Variants in PCNX1 observed in about 807,000 individuals in gnomAD.
PCNX1 encodes pecanex 1, also known as pecanex-like protein 1.
In PCNX1, 78 loss-of-function variants were observed where a neutral mutation model predicts 242.2. The observed-to-expected ratio is 0.32, with a 90% CI of 0.27 to 0.39. PCNX1 has a LOEUF of 0.39. Ranked by LOEUF, PCNX1 falls within the 10% of genes least tolerant of loss-of-function variation. PCNX1 has a pLI of 1.00. For synonymous variants in PCNX1, 1,024 were observed against 1,032.9 expected (o/e 0.99, Z 0.17); for missense variants, 2,581 against 2,856.5 (o/e 0.90, Z 2.20).
intron 28 of PCNX1, chr14:71,085,841 A>G (rs76353752): frequency 7.5e-4 from 260 of 346,442 alleles, no homozygotes; most frequent in African/African-American, 5.1e-3. Context: ...TTCCTTATCA[A>G]TAAGGATCAG....
intron 1 of PCNX1, among the ~76,000 whole-genome samples, chr14:70,925,568 C>CTTTTTTTTTTTTTTT (rs71305848): frequency 9.3e-6 from 1 of 106,952 alleles, no homozygotes. Flanking sequence ...CTTACCTCAT[C>CTTTTTTTTTTTTTTT]TTTTTTTTTT....
intron 1 of PCNX1, among the ~76,000 whole-genome samples, chr14:70,927,075 C>T (rs1299749057): frequency 6.6e-6 from 1 of 152,178 alleles, no homozygotes; most frequent in Non-Finnish European, 1.5e-5. Flanking sequence ...ACAGTACTTT[C>T]TTCAAAGGAT....
intron 8 of PCNX1, among the ~76,000 whole-genome samples, chr14:70,998,622 G>A (rs979561156): frequency 2.0e-5 from 3 of 151,508 alleles, no homozygotes; most frequent in East Asian, 1.9e-4. Flanking sequence ...ATGGTGGCAC[G>A]TGCCTGTAAT....
chr14:70,996,042 T>G (rs56021283), intron 8 of PCNX1, 117 bp downstream of exon 8: 264,212 of 734,300 alleles, frequency 0.36, 50,487 homozygotes, highest in East Asian at 0.62. Flanking sequence ...TAGGAGCACT[T>G]TTTACATAGG....
At chr14:71,010,610 G>C (rs2059796744) in intron 9 of PCNX1, among the ~76,000 whole-genome samples, 1 of 151,998 alleles carries the variant, frequency 6.6e-6, no homozygotes, top group Non-Finnish European at 1.5e-5. Flanking sequence ...TTTAGAAGGT[G>C]TTAACATTTT....
At chr14:70,958,651 G>T (rs1043394416) in intron 2 of PCNX1, among the ~76,000 whole-genome samples, 5 of 152,080 alleles carry the variant, frequency 3.3e-5, no homozygotes, top group Non-Finnish European at 2.9e-5. Context: ...CAGGCCTTAA[G>T]TCTCAACATT....
chr14:71,075,445 A>G (rs1416154712), intron 27 of PCNX1, among the ~76,000 whole-genome samples: 2 of 152,116 alleles, frequency 1.3e-5, no homozygotes, highest in East Asian at 1.9e-4. Flanking sequence ...TGCGTGTGGC[A>G]TTTTCTATCT....
At chr14:70,908,895 C>G (rs78724829) in intron 1 of PCNX1, among the ~76,000 whole-genome samples, 10,555 of 152,292 alleles carry the variant, frequency 0.069, 486 homozygotes, top group East Asian at 0.27. Flanking sequence ...AGCGCAGTTT[C>G]TAAAGCACAG....
At chr14:71,066,309 T>C (rs2061445613) in intron 26 of PCNX1, among the ~76,000 whole-genome samples, 1 of 152,234 alleles carries the variant, frequency 6.6e-6, no homozygotes. Context: ...TTTGTAGTTC[T>C]CCTTGAAGAG....
intron 8 of PCNX1, among the ~76,000 whole-genome samples, chr14:71,004,065 G>A (rs895570830): frequency 1.3e-5 from 2 of 152,210 alleles, no homozygotes; most frequent in African/African-American, 2.4e-5. Flanking sequence ...TGTGGGCTAA[G>A]TCCAGCTCTA....
Position 70,907,950 on chromosome 14 carries a change from C to T in PCNX1, c.100C>T (p.Leu34=). ...DPHQATFVNA[L]HLYLWLFLLG... The stretch of plus-strand genomic sequence containing the variant: ...GCACCAGGCCACCTTCGTGAACGCG[C>T]TGCACCTCTACCTGTGGCTCTTTCT... The change falls in exon 1 of 36, where the codon CTG becomes TTG. Residue 34 remains leucine, a synonymous_variant. Coordinates refer to ENST00000304743, the MANE Select transcript of PCNX1 (RefSeq NM_014982.3). 2 of 1,598,102 alleles carry T rather than the reference C, an allele frequency of 1.3e-6. No individual in the cohort carries two copies. The highest frequency in any genetic ancestry group is 1.7e-6 in the Non-Finnish European group (2 of 1,173,540).
intron 1 of PCNX1, among the ~76,000 whole-genome samples, chr14:70,940,747 G>T (rs566551298): frequency 1.3e-5 from 2 of 152,282 alleles, no homozygotes; most frequent in East Asian, 3.9e-4. Flanking sequence ...CATTCTCCCT[G>T]TCACTTTCAG....
chr14:70,978,262 C>G lies in PCNX1; in HGVS notation c.1925C>G (p.Ala642Gly). ...SCQSPEGRYS[A>G]LKTKHTHKER... Reference sequence around the variant, plus strand: ...CAGTCTCCTGAGGGCAGATACAGTGCTCTAAAGACCAAACACACTCATAAA... The same window carrying G: ...CAGTCTCCTGAGGGCAGATACAGTGGTCTAAAGACCAAACACACTCATAAA... Residue 642 changes from alanine to glycine, a missense_variant, in exon 6 of 36, where the codon GCT (alanine) becomes GGT (glycine). By Grantham distance (60) the Ala-to-Gly change is moderately conservative (BLOSUM62 0). Coordinates refer to ENST00000304743, the MANE Select transcript of PCNX1 (RefSeq NM_014982.3). The G allele has an allele frequency of 6.2e-7, 1 of 1,614,100 alleles. No individual in the cohort carries two copies. Among genetic ancestry groups the G allele is most frequent in the South Asian group, 1.1e-5 (1 of 91,090 alleles).
intron 19 of PCNX1, among the ~76,000 whole-genome samples, chr14:71,043,829 T>C (rs569170721): frequency 6.6e-6 from 1 of 152,320 alleles, no homozygotes; most frequent in African/African-American, 2.4e-5. Flanking sequence ...TTCATAGATT[T>C]CCTTTTCTTT....
At position 71,011,506 on chromosome 14, in the gene PCNX1, A is replaced by G. The variant is rs767721815; in HGVS notation, c.2735A>G (p.His912Arg). ...RASNICDTDS[H>R]VSSSTSVRFY... ...TTTTATTTTAGTGACACAGATTCTC[A>G]TGTATCCAGTTCTACCTCAGTTCGA... Residue 912 changes from histidine to arginine, a missense_variant, in exon 10 of 36, where the codon CAT becomes CGT. By Grantham distance (29) the His-to-Arg change is conservative. Around this residue, in one of 9 missense-constraint regions of PCNX1, gnomAD observed 1,204 missense variants for 1,216.7 expected, o/e 0.99. Transcript: ENST00000304743. 2 of 1,567,486 alleles carry G rather than the reference A, an allele frequency of 1.3e-6. No homozygotes were observed. Among genetic ancestry groups the G allele is most frequent in the South Asian group, 1.1e-5 (1 of 89,120 alleles).
Position 70,978,692 on chromosome 14 carries a change from T to C in PCNX1, c.2311+44T>C, listed in dbSNP as rs1463260011. The C allele has an allele frequency of 2.7e-6, 4 of 1,507,096 alleles. No individual in the cohort carries two copies. In the African/African-American group the frequency reaches 5.6e-5, roughly 21 times the overall value. The allele number at this position is 1,507,096 out of a possible 1,614,324, so 93.4% of individuals were successfully genotyped here. A position where few individuals can be genotyped will look rare whatever the true frequency, so the allele number is the denominator to read the frequency against. Reference sequence around the variant, plus strand: ...GAGATTTCTGTAAGACTCACTGCTTTTTCATACTATTAATTAGAGTAGTAC... The same window carrying C: ...GAGATTTCTGTAAGACTCACTGCTTCTTCATACTATTAATTAGAGTAGTAC... On this transcript the variant is annotated intron_variant, in intron 6 of 35. Transcript: ENST00000304743.
chr14:71,050,617 T>C, intron 22 of PCNX1, 35 bp from the exon 23 acceptor site: 1 of 1,544,818 alleles, frequency 6.5e-7, no homozygotes, highest in Non-Finnish European at 8.7e-7. Context: ...TAAGTTTTTT[T>C]TTTTTTACTG....
chr14:71,001,314 T>C (rs2059500118), intron 8 of PCNX1, among the ~76,000 whole-genome samples: 1 of 152,170 alleles, frequency 6.6e-6, no homozygotes, highest in Non-Finnish European at 1.5e-5. Context: ...TCAAGGGGAA[T>C]ATACATTTTT....
chr14:71,087,695 TG>T (rs2062027955), intron 28 of PCNX1, among the ~76,000 whole-genome samples: 1 of 152,228 alleles, frequency 6.6e-6, no homozygotes, highest in African/African-American at 2.4e-5. Context: ...GATTATTTTT[TG>T]GTAACTGAGA....
Sources: allele counts gnomAD v4.1 joint callset (sites outside exome capture counted in the v4.1 genomes callset), GRCh38; gene constraint gnomAD v4.1.1; regional missense constraint gnomAD v4.1.1; transcripts MANE v1.5; gene names NCBI Gene and HGNC (gene_info 2026-07-23, HGNC 2026-07-21).